The following PRDM8 variants were observed in gnomAD, a reference collection of about 807,000 sequenced individuals.
PRDM8 encodes the protein PR/SET domain 8, also known as PR domain zinc finger protein 8.
In PRDM8, 13 loss-of-function variants were observed where a neutral mutation model predicts 46.5. The observed-to-expected ratio is 0.28, with a 90% CI of 0.18 to 0.44. The LOEUF is 0.44. PRDM8 is among the 20% of genes least tolerant of loss of function. PRDM8 has a pLI of 1.00. For synonymous variants in PRDM8, 473 were observed against 438.4 expected (o/e 1.08, Z -0.98); for missense variants, 998 against 955.0 (o/e 1.04, Z -0.59).
At chr4:80,195,245 T>C (rs1560469380), upstream of PRDM8, among the ~76,000 whole-genome samples, 1 of 152,176 alleles carries the variant, frequency 6.6e-6, no homozygotes, top group Non-Finnish European at 1.5e-5. Context: ...CATATTGCAT[T>C]TATCAGTCTA....
rs560049733 is a variant in PRDM8, at chr4:80,202,447, C to T, written c.985C>T (p.Leu329=). 6.0e-4 allele frequency: 922 copies of T among 1,546,454 alleles called. 1 individual carries two copies. The highest frequency in any genetic ancestry group is 7.4e-4 in the Non-Finnish European group (851 of 1,146,576). The change falls in exon 4 of 4, where the codon CTG becomes TTG. Residue 329 remains leucine (L), a synonymous_variant. Transcript: ENST00000415738. The part of the protein sequence containing the change: ...EAAEGGGGAG[L]VGGRGRFVER... Reference sequence around the variant, plus strand: ...GGCGGAGGGCGGCGGTGGCGCTGGTCTGGTAGGGGGCCGGGGCCGCTTCGT... The same window carrying T: ...GGCGGAGGGCGGCGGTGGCGCTGGTTTGGTAGGGGGCCGGGGCCGCTTCGT...
upstream of PRDM8, chr4:80,196,007 C>A: frequency 1.0e-6 from 1 of 962,292 alleles, no homozygotes; most frequent in Non-Finnish European, 1.2e-6. Flanking sequence ...ACTTGTTTCT[C>A]CTCAGCAAAA....
At chr4:80,186,430 G>A (rs868376054) in intron 1 of PRDM8, among the ~76,000 whole-genome samples, 1 of 129,920 alleles carries the variant, frequency 7.7e-6, no homozygotes, top group Admixed American at 7.9e-5. Context: ...AAGGCAGGGT[G>A]GAGAGAGAGA....
At chr4:80,192,241 G>A (rs1202286146) in intron 2 of PRDM8, among the ~76,000 whole-genome samples, 2 of 152,164 alleles carry the variant, frequency 1.3e-5, no homozygotes, top group African/African-American at 2.4e-5. Flanking sequence ...GTCAAGGAGT[G>A]TAGTCTGCCC....
At chr4:80,189,023 G>A (rs187105030) in intron 1 of PRDM8, among the ~76,000 whole-genome samples, 3 of 152,206 alleles carry the variant, frequency 2.0e-5, no homozygotes, top group African/African-American at 7.2e-5. Flanking sequence ...TGGGTGTGTA[G>A]GGGAGGGCTG....
rs544862921 is a variant in PRDM8, at chr4:80,202,909, G to T, written c.1447G>T (p.Ala483Ser). 1,254 of 1,338,846 alleles carry T rather than the reference G, an allele frequency of 9.4e-4. 12 individuals carry two copies. The African/African-American group carries it at 0.016, about 17-fold the overall frequency. The allele number at this position is 1,338,846 out of a possible 1,614,324, so 82.9% of individuals were successfully genotyped here. Reference sequence around the variant, plus strand: ...TGGGGGCGGAACGGGCGCCGGGGCCGCAGGCGGCGCGGGCGGGGGCCAGGG... The same window carrying T: ...TGGGGGCGGAACGGGCGCCGGGGCCTCAGGCGGCGCGGGCGGGGGCCAGGG... ...SGGGGTGAGA[A>S]GGAGGGQGAA... Residue 483 changes from alanine (A) to serine (S), a missense_variant, in exon 4 of 4, where the codon GCA (alanine) becomes TCA (serine). Physicochemically the swap from Ala to Ser is moderately conservative, Grantham distance 99 (BLOSUM62 1). Transcript: ENST00000415738.
chr4:80,200,109 T>C lies in PRDM8; in HGVS notation c.29T>C (p.Ile10Thr). ...GAGGATACTGGCATCCAGCGAGGCATCTGGGATGGAGATGCCAAGGCTGTC... is the reference window on the plus strand; with the variant it reads ...GAGGATACTGGCATCCAGCGAGGCACCTGGGATGGAGATGCCAAGGCTGTC... MEDTGIQRGIWDGDAKAVQQ... is the reference protein window; with the variant it reads MEDTGIQRGTWDGDAKAVQQ... The change falls in exon 2 of 4, where the codon ATC becomes ACC. Residue 10 changes from isoleucine (I) to threonine (T), a missense_variant. Physicochemically the swap from Ile to Thr is moderately conservative, Grantham distance 89. Coordinates refer to ENST00000415738, the MANE Select transcript of PRDM8 (RefSeq NM_001099403.2). The C allele has an allele frequency of 6.2e-7, 1 of 1,614,030 alleles. No individual in the cohort carries two copies.
chr4:80,199,961 T>C (rs1042388061), intron 1 of PRDM8, 118 bp from the exon 2 acceptor site: 1 of 720,898 alleles, frequency 1.4e-6, no homozygotes, highest in Non-Finnish European at 2.3e-6. Flanking sequence ...ATAAGAGCTA[T>C]GCAAAAATCA....
rs1738820525 is a variant in PRDM8 at position 80,204,326 on chromosome 4, C to T, written c.*794C>T. 1 of 152,498 alleles carries T rather than the reference C, an allele frequency of 6.6e-6. No individual in the cohort carries two copies. The highest frequency in any genetic ancestry group is 6.5e-5 in the Admixed American group (1 of 15,274). 9.4% of individuals were successfully genotyped at this position (152,498 alleles called of 1,614,324 possible). ...CAATAAATGACTATTTTCTTCAAAG[C>T]AAATATTTGGAAAGTTTTTAAATTT... is the stretch of plus-strand genomic sequence containing the variant. On this transcript the variant is annotated 3_prime_UTR_variant, in exon 4 of 4. Transcript: ENST00000415738.
intron 1 of PRDM8, among the ~76,000 whole-genome samples, chr4:80,186,026 A>G (rs1737047688): frequency 6.6e-6 from 1 of 152,180 alleles, no homozygotes; most frequent in Admixed American, 6.5e-5. Context: ...GTTAAGGAAA[A>G]GGCGCGCGGT....
chr4:80,193,350 C>G (rs1737694770), upstream of PRDM8, among the ~76,000 whole-genome samples: 1 of 152,190 alleles, frequency 6.6e-6, no homozygotes, highest in South Asian at 2.1e-4. Context: ...ACCCCACCCC[C>G]TCACATCATC....
intron 1 of PRDM8, among the ~76,000 whole-genome samples, chr4:80,186,553 C>T (rs1002446489): frequency 3.3e-5 from 5 of 151,844 alleles, no homozygotes; most frequent in Non-Finnish European, 7.4e-5. Flanking sequence ...CAGCTCTGGG[C>T]GGGTAGGGTC....
At position 80,202,419 on chromosome 4, in the gene PRDM8, G is replaced by A; in HGVS notation, c.957G>A (p.Glu319=). 1 of 1,549,958 alleles carries A rather than the reference G, an allele frequency of 6.5e-7. No homozygotes were observed. Among genetic ancestry groups the A allele is most frequent in the South Asian group, 1.2e-5 (1 of 84,480 alleles). The change falls in exon 4 of 4, where the codon GAG becomes GAA. Residue 319 remains glutamate (E), a synonymous_variant. Coordinates refer to ENST00000415738, the MANE Select transcript of PRDM8 (RefSeq NM_001099403.2). The stretch of plus-strand genomic sequence containing the variant: ...AAGGAAAGAGGAAATTCCCGGAGGA[G>A]GCGGCGGAGGGCGGCGGTGGCGCTG... ...GGKGKRKFPE[E]AAEGGGGAGL...
chr4:80,194,236 C>A, upstream of PRDM8: 2 of 976,108 alleles, frequency 2.0e-6, no homozygotes, highest in Non-Finnish European at 2.4e-6. Context: ...TAAAGTGGAA[C>A]AAGGTGAGCA....
intron 1 of PRDM8, among the ~76,000 whole-genome samples, chr4:80,187,246 G>GGGT (rs1553903055): frequency 0.02 from 1,992 of 98,024 alleles, 250 homozygotes; most frequent in African/African-American, 0.077. Flanking sequence ...CTCTGCCCTG[G>GGGT]GGCGGGGGGA....
In PRDM8 at chr4:80,200,195, G is replaced by A; in HGVS notation, c.115G>A (p.Ala39Thr). The change falls in exon 2 of 4, where the codon GCT (alanine) becomes ACT (threonine). Residue 39 changes from alanine (A) to threonine (T), a missense_variant. Coordinates refer to ENST00000415738, the MANE Select transcript of PRDM8 (RefSeq NM_001099403.2). ...CACCACCTGCGACATCCCTGAGAAT[G>A]CTATATTTGGTCCCTGTGTCCTGAG... ...VYTTCDIPENAIFGPCVLSHT... is the reference protein window; with the variant it reads ...VYTTCDIPENTIFGPCVLSHT... 8 of 1,614,020 alleles carry A rather than the reference G, an allele frequency of 5.0e-6. No homozygotes were observed. The highest frequency in any genetic ancestry group is 6.8e-6 in the Non-Finnish European group (8 of 1,179,934).
At chr4:80,194,642 T>C (rs1293317068), upstream of PRDM8, among the ~76,000 whole-genome samples, 2 of 152,224 alleles carry the variant, frequency 1.3e-5, no homozygotes, top group Non-Finnish European at 2.9e-5. Context: ...ATCTTACTTA[T>C]ATTGTTTTGT....
chr4:80,197,335 C>T, upstream of PRDM8: 1 of 964,808 alleles, frequency 1.0e-6, no homozygotes, highest in Non-Finnish European at 1.2e-6. Context: ...GGGGTAGGCG[C>T]TCAGGATCTG....
chr4:80,189,418 C>A (rs1170936188), intron 1 of PRDM8, among the ~76,000 whole-genome samples: 3 of 151,618 alleles, frequency 2.0e-5, no homozygotes, highest in African/African-American at 7.3e-5. Flanking sequence ...TTGCATTAAA[C>A]CTGGGGTGGG....
Sources: gnomAD v4.1 joint callset for allele counts (sites outside exome capture counted in the v4.1 genomes callset) on GRCh38, gnomAD v4.1.1 for gene constraint, MANE v1.5 for transcripts, NCBI Gene and HGNC (gene_info 2026-07-23, HGNC 2026-07-21) for gene names.